FSD1L: variants seen among roughly 807,000 people sequenced by gnomAD.
FSD1L encodes the protein fibronectin type III and SPRY domain containing 1 like.
FSD1L carries 45 observed loss-of-function variants against 71.6 expected under a neutral mutation model. The observed-to-expected ratio is 0.63, with a 90% CI of 0.49 to 0.81. FSD1L has a LOEUF of 0.81. Among genes scored for constraint, FSD1L ranks in the 30% least tolerant of loss-of-function variants. The pLI is 0.00. For synonymous variants in FSD1L, 197 were observed against 207.2 expected (o/e 0.95, Z 0.42); for missense variants, 561 against 618.1 (o/e 0.91, Z 0.98).
chr9:105,475,390 T>A (rs886307353), intron 5 of FSD1L, among the ~76,000 whole-genome samples: 10 of 152,174 alleles, frequency 6.6e-5, no homozygotes, highest in African/African-American at 2.2e-4. Flanking sequence ...ACATCTCACT[T>A]GTAATGAATG....
intron 5 of FSD1L, 72 bp downstream of exon 5, chr9:105,472,077 T>C (rs747334672): frequency 8.8e-5 from 119 of 1,358,480 alleles, no homozygotes; most frequent in Non-Finnish European, 1.0e-4. Flanking sequence ...TGTTTTTCTT[T>C]AGTTTTGGAT....
chr9:105,459,848 C>T (rs746205739), intron 1 of FSD1L, among the ~76,000 whole-genome samples: 6 of 152,206 alleles, frequency 3.9e-5, no homozygotes, highest in African/African-American at 7.2e-5. Flanking sequence ...CTCTGAAGCC[C>T]TCCTCATCTA....
intron 2 of FSD1L, among the ~76,000 whole-genome samples, chr9:105,462,593 G>A (rs1361674979): frequency 3.5e-5 from 5 of 143,748 alleles, no homozygotes; most frequent in East Asian, 2.1e-4. Flanking sequence ...GTGAGATCTC[G>A]GCTCACTGCA....
chr9:105,453,915 G>A (rs1830208896), intron 1 of FSD1L, among the ~76,000 whole-genome samples: 1 of 152,022 alleles, frequency 6.6e-6, no homozygotes, highest in East Asian at 1.9e-4. Flanking sequence ...CTCTTTGTTG[G>A]CACTTCTTCC....
intron 10 of FSD1L, among the ~76,000 whole-genome samples, chr9:105,530,139 G>A (rs1363532616): frequency 2.6e-5 from 4 of 152,128 alleles, no homozygotes; most frequent in African/African-American, 9.7e-5. Context: ...TTAAATAGAG[G>A]AATCAGAGTA....
intron 10 of FSD1L, among the ~76,000 whole-genome samples, chr9:105,533,184 T>G (rs984425270): frequency 1.3e-5 from 2 of 152,060 alleles, no homozygotes; most frequent in African/African-American, 4.8e-5. Context: ...AAAAAATCTT[T>G]TGTTAAATGC....
At chr9:105,524,335 T>C in intron 10 of FSD1L, 1 of 1,613,802 alleles carries the variant, frequency 6.2e-7, no homozygotes, top group Non-Finnish European at 8.5e-7. Flanking sequence ...CCCTTGAAAA[T>C]TATTCAGATC....
chr9:105,530,861 C>T, intron 10 of FSD1L: 1 of 369,436 alleles, frequency 2.7e-6, no homozygotes, highest in Admixed American at 4.6e-5. Context: ...TTGATAGTAT[C>T]ACATACTCTA....
chr9:105,523,329 C>G, intron 10 of FSD1L: 1 of 1,591,650 alleles, frequency 6.3e-7, no homozygotes, highest in South Asian at 1.1e-5. Context: ...GAAGCTCCAC[C>G]ACGCTGTTCT....
intron 13 of FSD1L, among the ~76,000 whole-genome samples, chr9:105,544,175 G>A (rs999123284): frequency 6.6e-6 from 1 of 152,176 alleles, no homozygotes; most frequent in African/African-American, 2.4e-5. Context: ...ACATTTCTCT[G>A]ATGGCCAGTG....
chr9:105,537,216 A>G (rs1836325767), intron 12 of FSD1L, among the ~76,000 whole-genome samples: 2 of 152,200 alleles, frequency 1.3e-5, no homozygotes, highest in Non-Finnish European at 2.9e-5. Flanking sequence ...CTCCAAGTTG[A>G]CACTTAAGCT....
chr9:105,543,827 T>A (rs550603600), intron 13 of FSD1L, among the ~76,000 whole-genome samples: 1 of 152,362 alleles, frequency 6.6e-6, no homozygotes, highest in African/African-American at 2.4e-5. Context: ...TAATCCAGTC[T>A]ATCATTGATG....
intron 12 of FSD1L, among the ~76,000 whole-genome samples, chr9:105,536,238 C>T (rs965404056): frequency 1.3e-5 from 2 of 152,182 alleles, no homozygotes; most frequent in African/African-American, 4.8e-5. Flanking sequence ...ACATTGTTTC[C>T]CTTAAATTTT....
At chr9:105,457,080 G>GA (rs1207883800) in intron 1 of FSD1L, among the ~76,000 whole-genome samples, 8 of 150,158 alleles carry the variant, frequency 5.3e-5, no homozygotes, top group Non-Finnish European at 7.4e-5. Context: ...GCTTTGATTA[G>GA]AAAAAAAAAT....
intron 12 of FSD1L, among the ~76,000 whole-genome samples, chr9:105,536,287 T>C (rs1836259661): frequency 6.6e-6 from 1 of 152,248 alleles, no homozygotes; most frequent in African/African-American, 2.4e-5. Flanking sequence ...TCCTCACTCA[T>C]GTTCACACGA....
intron 7 of FSD1L, chr9:105,500,546 A>G (rs1481647313): frequency 1.3e-5 from 2 of 152,168 alleles, no homozygotes; most frequent in African/African-American, 4.8e-5. Context: ...ACTATGATTA[A>G]ATAGTTTCTC....
At chr9:105,471,717 A>C (rs922765875) in intron 4 of FSD1L, among the ~76,000 whole-genome samples, 187 bp from the exon 5 acceptor site, 8 of 120,030 alleles carry the variant, frequency 6.7e-5, no homozygotes, top group African/African-American at 2.4e-4. Flanking sequence ...AAAAAAAATA[A>C]CACGTTTTAT....
chr9:105,511,184 T>G (rs1234881752), intron 9 of FSD1L, among the ~76,000 whole-genome samples: 1 of 148,916 alleles, frequency 6.7e-6, no homozygotes, highest in Admixed American at 6.7e-5. Context: ...TTTTCAATGG[T>G]ACTATCTATT....
At chr9:105,480,948 A>G (rs951472010) in intron 6 of FSD1L, among the ~76,000 whole-genome samples, 4 of 152,162 alleles carry the variant, frequency 2.6e-5, no homozygotes, top group African/African-American at 9.7e-5. Flanking sequence ...GGCTCTTTGC[A>G]TCACAGAATC....
Sources: gnomAD v4.1 joint callset for allele counts (sites outside exome capture counted in the v4.1 genomes callset) on GRCh38, gnomAD v4.1.1 for gene constraint, MANE v1.5 for transcripts, NCBI Gene and HGNC (gene_info 2026-07-23, HGNC 2026-07-21) for gene names.